Variants in GAB1 observed in about 807,000 individuals in gnomAD.
GAB1 encodes the protein GRB2 associated binding protein 1, also known as GRB2-associated-binding protein 1.
A neutral mutation model predicts 66.5 loss-of-function variants in GAB1; 19 were observed. That is an observed-to-expected ratio of 0.29 (90% CI 0.20 to 0.42). The LOEUF (loss-of-function observed/expected upper bound fraction) is 0.42. GAB1 is among the 10% of genes least tolerant of loss of function. The pLI is 1.00. For missense variants in GAB1, 732 were observed against 858.5 expected (o/e 0.85, Z 1.84); for synonymous variants, 294 against 301.4 (o/e 0.98, Z 0.25).
intron 1 of GAB1, among the ~76,000 whole-genome samples, chr4:143,360,120 T>C (rs1350734349): frequency 1.3e-5 from 2 of 152,240 alleles, no homozygotes; most frequent in Non-Finnish European, 2.9e-5. Context: ...GCAAATGATC[T>C]AACTTTATAT....
At chr4:143,433,276 AAT>A (rs973883673) in intron 2 of GAB1, among the ~76,000 whole-genome samples, 5 of 152,176 alleles carry the variant, frequency 3.3e-5, no homozygotes, top group African/African-American at 1.2e-4. Context: ...GAGGATCTGG[AAT>A]ATATATAGAG....
intron 1 of GAB1, among the ~76,000 whole-genome samples, chr4:143,406,607 A>G (rs1732056495): frequency 2.6e-5 from 4 of 152,226 alleles, no homozygotes. Flanking sequence ...TCCTCTGCCC[A>G]CATCCTGACC....
intron 8 of GAB1, among the ~76,000 whole-genome samples, chr4:143,465,165 T>G (rs562796727): frequency 3.0e-4 from 46 of 152,330 alleles, no homozygotes; most frequent in Middle Eastern, 3.4e-3. Context: ...ACATGTATAA[T>G]AGAACCCTGT....
chr4:143,366,909 A>T (rs1729905947), intron 1 of GAB1, among the ~76,000 whole-genome samples: 1 of 151,918 alleles, frequency 6.6e-6, no homozygotes, highest in Admixed American at 6.6e-5. Context: ...TCCACGTCTC[A>T]TGTCTTTCGT....
chr4:143,341,146 G>C (rs1170197906), intron 1 of GAB1, among the ~76,000 whole-genome samples: 1 of 152,026 alleles, frequency 6.6e-6, no homozygotes, highest in Non-Finnish European at 1.5e-5. Flanking sequence ...TTCTTTTCAG[G>C]GTTGCTACTG....
In GAB1 at chr4:143,460,636, A is replaced by C. The variant is rs142965992; in HGVS notation, c.1803+149A>C. The C allele has an allele frequency of 7.0e-4, 497 of 706,394 alleles. 2 individuals are homozygous for C. In the African/African-American group the frequency reaches 8.0e-3, roughly 11 times the overall value. The allele number at this position is 706,394 out of a possible 1,614,324, so 43.8% of individuals were successfully genotyped here. ...ACTTTTAAAAAGCTTATTAAAAATA[A>C]TGTCATAAACTCTAAAACCAATAAA... On this transcript the variant is annotated intron_variant, in intron 8 of 9. Transcript: ENST00000262994.
At chr4:143,364,568 A>G (rs1729791990) in intron 1 of GAB1, among the ~76,000 whole-genome samples, 2 of 152,334 alleles carry the variant, frequency 1.3e-5, no homozygotes, top group African/African-American at 4.8e-5. Context: ...TTGTGGGGCT[A>G]GGTGTCCAGA....
intron 7 of GAB1, 105 bp from the exon 8 acceptor site, chr4:143,460,259 G>A: frequency 9.5e-7 from 1 of 1,055,150 alleles, no homozygotes. Flanking sequence ...TAAACATAAG[G>A]GAATATTTCT....
chr4:143,367,466 T>C (rs941411763), intron 1 of GAB1, among the ~76,000 whole-genome samples: 21 of 152,140 alleles, frequency 1.4e-4, no homozygotes, highest in African/African-American at 5.1e-4. Flanking sequence ...GTATATAAAG[T>C]ACCTCTTTGC....
At chr4:143,359,388 T>A (rs1186000160) in intron 1 of GAB1, among the ~76,000 whole-genome samples, 1 of 152,180 alleles carries the variant, frequency 6.6e-6, no homozygotes, top group East Asian at 1.9e-4. Context: ...CGGAAGCATT[T>A]TTATCTGTCT....
intron 1 of GAB1, among the ~76,000 whole-genome samples, chr4:143,363,505 T>C (rs1478432028): frequency 6.6e-6 from 1 of 152,146 alleles, no homozygotes; most frequent in Non-Finnish European, 1.5e-5. Flanking sequence ...AGGAACCTGT[T>C]AGGGGAGCCC....
chr4:143,365,268 C>G (rs540174541), intron 1 of GAB1, among the ~76,000 whole-genome samples: 3 of 152,164 alleles, frequency 2.0e-5, no homozygotes, highest in South Asian at 4.2e-4. Context: ...GGAAATGATA[C>G]CTAACATTAC....
intron 1 of GAB1, among the ~76,000 whole-genome samples, chr4:143,403,998 C>T (rs1005374006): frequency 6.6e-6 from 1 of 152,200 alleles, no homozygotes; most frequent in Non-Finnish European, 1.5e-5. Context: ...CACTTCAGTG[C>T]TTTCCCTTTA....
In GAB1 at chr4:143,373,886, T is replaced by TATATATATATATATATATATA; in HGVS notation, c.72+36626_72+36627insATATATATATATATATATATA. 9.8e-4 allele frequency among the ~76,000 whole-genome samples: 125 copies of TATATATATATATATATATATA among 128,124 alleles called. 4 individuals carry two copies. The highest frequency in any genetic ancestry group is 1.5e-3 in the South Asian group (6 of 4,096). 84.1% of individuals were successfully genotyped at this position (128,124 alleles called of 152,430 possible). On this transcript the variant is annotated intron_variant, in intron 1 of 9. Transcript: ENST00000262994. The stretch of plus-strand genomic sequence containing the variant: ...ATAAATAAATATATATATATATATA[T>TATATATATATATATATATATA]TTTTACCTTTCTAACATTGCAGGGA...
chr4:143,466,363 C>T, intron 9 of GAB1, 138 bp downstream of exon 9: 1 of 681,780 alleles, frequency 1.5e-6, no homozygotes, highest in Non-Finnish European at 2.2e-6. Flanking sequence ...GATGCTATCT[C>T]ATAAAACAAA....
At chr4:143,344,442 C>A (rs1728926178) in intron 1 of GAB1, among the ~76,000 whole-genome samples, 1 of 152,200 alleles carries the variant, frequency 6.6e-6, no homozygotes, top group African/African-American at 2.4e-5. Flanking sequence ...TTCTGTGACT[C>A]CTTTTATCTC....
At chr4:143,371,688 A>C (rs1273009632) in intron 1 of GAB1, among the ~76,000 whole-genome samples, 3 of 152,336 alleles carry the variant, frequency 2.0e-5, no homozygotes, top group Non-Finnish European at 4.4e-5. Context: ...TTTAGGTCTA[A>C]CATTTAAGTC....
intron 1 of GAB1, chr4:143,349,641 G>A (rs1560712472): frequency 1.4e-6 from 2 of 1,473,820 alleles, no homozygotes; most frequent in Non-Finnish European, 1.8e-6. Context: ...TGCCGATCTT[G>A]TTCCCCCAGT....
rs138154602 is a variant in GAB1 at position 143,415,931 on chromosome 4, T to TG, written c.367+164dup. On this transcript the variant is annotated intron_variant, in intron 2 of 9. Transcript: ENST00000262994. ...AAAGCACTGAATCCTTTAATTAGTT[T>TG]GGGGAGAAGCTGTTTACCAGTTTTA... 0.085 allele frequency among the ~76,000 whole-genome samples: 12,868 copies of TG among 152,186 alleles called. 770 individuals carry two copies. Among genetic ancestry groups the TG allele is most frequent in the African/African-American group, 0.17 (7,133 of 41,496 alleles).
Sources: gnomAD v4.1 joint callset for allele counts (sites outside exome capture counted in the v4.1 genomes callset) on GRCh38, gnomAD v4.1.1 for gene constraint, MANE v1.5 for transcripts, NCBI Gene and HGNC (gene_info 2026-07-23, HGNC 2026-07-21) for gene names.